Variants in CFAP70 observed in about 807,000 individuals in gnomAD.
CFAP70 encodes the protein cilia and flagella associated protein 70.
In CFAP70, 81 loss-of-function variants were observed where a neutral mutation model predicts 137.6. The observed-to-expected ratio is 0.59, with a 90% CI of 0.49 to 0.71. The LOEUF (loss-of-function observed/expected upper bound fraction) is 0.71. CFAP70 is among the 30% of genes least tolerant of loss of function. CFAP70 has a pLI of 0.00. For missense variants in CFAP70, 976 were observed against 1,226.7 expected (o/e 0.80, Z 3.05); for synonymous variants, 382 against 423.6 (o/e 0.90, Z 1.20).
rs1055097191 is a variant in CFAP70 at position 73,341,450 on chromosome 10, G to A, written c.531C>T (p.Phe177=). The change falls in exon 6 of 27, where the codon TTC becomes TTT. Residue 177 remains phenylalanine (F), a synonymous_variant. Transcript: ENST00000310715. ...CTTCTTCATAGGGACCACCAACAAT[G>A]AATGCATCAGGAATGTTATTAGCTC... The A allele has an allele frequency of 3.1e-6, 5 of 1,614,050 alleles. No homozygotes were observed. The African/African-American group carries it at 5.3e-5, about 17-fold the overall frequency.
At chr10:73,277,423 A>G in intron 20 of CFAP70, 62 bp from the exon 22 acceptor site, 1 of 1,577,032 alleles carries the variant, frequency 6.3e-7, no homozygotes, top group South Asian at 1.1e-5. Flanking sequence ...TCAGAAATTC[A>G]GACACATTCG....
Position 73,351,950 on chromosome 10 carries a change from C to T in CFAP70, c.250+1606G>A, listed in dbSNP as rs141937270. 6.2e-4 allele frequency among the ~76,000 whole-genome samples: 94 copies of T among 152,354 alleles called. 1 individual carries two copies. Among genetic ancestry groups the T allele is most frequent in the African/African-American group, 2.0e-3 (83 of 41,562 alleles). ...TGGAAGTCTAGGTTCCCTACTCAGC[C>T]TCCTCTGACACCTGATGGAGGCAGC... On this transcript the variant is annotated intron_variant, in intron 3 of 26. Coordinates refer to ENST00000310715, the Ensembl canonical transcript of CFAP70.
At chr10:73,312,037 T>C (rs76816562) in intron 10 of CFAP70, 123 bp from the exon 12 acceptor site, 72,068 of 760,104 alleles carry the variant, frequency 0.095, 5,297 homozygotes, top group East Asian at 0.28. Context: ...AGAATGAGTT[T>C]GTGTCCTTTG....
intron 25 of CFAP70, among the ~76,000 whole-genome samples, chr10:73,266,492 C>T (rs1217092695): frequency 6.6e-6 from 1 of 152,040 alleles, no homozygotes; most frequent in Non-Finnish European, 1.5e-5. Context: ...TTAATGGAAC[C>T]TCCAGTATAG....
intron 7 of CFAP70, 54 bp downstream of exon 8, chr10:73,335,376 T>C: frequency 1.8e-6 from 2 of 1,135,648 alleles, no homozygotes; most frequent in Non-Finnish European, 2.6e-6. Flanking sequence ...GTAACATTTC[T>C]TCCCACCTAC....
At chr10:73,271,722 T>C (rs2046332490) in intron 24 of CFAP70, among the ~76,000 whole-genome samples, 1 of 151,976 alleles carries the variant, frequency 6.6e-6, no homozygotes, top group Non-Finnish European at 1.5e-5. Flanking sequence ...AGAGGTGAGG[T>C]TTTGCTCTGT....
intron 25 of CFAP70, among the ~76,000 whole-genome samples, chr10:73,266,674 G>A (rs1333206381): frequency 6.6e-6 from 1 of 152,036 alleles, no homozygotes; most frequent in Admixed American, 6.5e-5. Flanking sequence ...GTTAATTTTA[G>A]CCAATGATTT....
chr10:73,274,582 A>G, exon 23 of CFAP70: 2 of 1,613,592 alleles, frequency 1.2e-6, no homozygotes, highest in South Asian at 2.2e-5. Context: ...TTCAGGCCCC[A>G]GACATTGGGG....
At chr10:73,308,993 A>G (rs939210785) in intron 12 of CFAP70, among the ~76,000 whole-genome samples, 8 of 152,208 alleles carry the variant, frequency 5.3e-5, no homozygotes, top group African/African-American at 1.9e-4. Context: ...GGGGCACACT[A>G]TGCCCAAAGC....
At chr10:73,354,323 T>A (rs978920529) in intron 2 of CFAP70, among the ~76,000 whole-genome samples, 1 of 152,242 alleles carries the variant, frequency 6.6e-6, no homozygotes, top group African/African-American at 2.4e-5. Flanking sequence ...ATGATCTTTT[T>A]AAACTTAATA....
chr10:73,255,505 G>C (rs1199882589), intron 26 of CFAP70, among the ~76,000 whole-genome samples: 1 of 152,176 alleles, frequency 6.6e-6, no homozygotes, highest in East Asian at 1.9e-4. Context: ...AGTGAGCTGA[G>C]ATCGTGCTAC....
At chr10:73,305,056 C>T (rs1031926369) in intron 12 of CFAP70, among the ~76,000 whole-genome samples, 10 of 152,286 alleles carry the variant, frequency 6.6e-5, no homozygotes, top group African/African-American at 1.4e-4. Context: ...AGGTGGCAGC[C>T]TGGATTTCTA....
intron 6 of CFAP70, among the ~76,000 whole-genome samples, chr10:73,341,009 G>A (rs1256895258): frequency 6.6e-6 from 1 of 152,180 alleles, no homozygotes; most frequent in Non-Finnish European, 1.5e-5. Flanking sequence ...ACTGCAGCCA[G>A]CATCATGGCA....
intron 8 of CFAP70, among the ~76,000 whole-genome samples, chr10:73,323,534 C>T (rs538604293): frequency 4.6e-5 from 7 of 152,294 alleles, no homozygotes; most frequent in South Asian, 2.1e-4. Context: ...CTGCCTCACT[C>T]GGGAAGCGCA....
chr10:73,263,051 T>C (rs1368435397), intron 25 of CFAP70, among the ~76,000 whole-genome samples: 3 of 152,206 alleles, frequency 2.0e-5, no homozygotes, highest in Non-Finnish European at 4.4e-5. Context: ...CTATAGACCT[T>C]ATCAAGATTT....
At chr10:73,295,880 G>C (rs1305615336) in intron 15 of CFAP70, 1 of 152,128 alleles carries the variant, frequency 6.6e-6, no homozygotes, top group East Asian at 1.9e-4. Context: ...CTCTAGCTCA[G>C]ATCTCTGTCT....
intron 3 of CFAP70, among the ~76,000 whole-genome samples, chr10:73,351,129 T>G (rs982661013): frequency 7.3e-6 from 1 of 136,864 alleles, no homozygotes; most frequent in African/African-American, 2.7e-5. Context: ...TTTGTTTTTT[T>G]TTTTTGTGAG....
At chr10:73,316,379 ATC>A (rs1384963902) in intron 9 of CFAP70, among the ~76,000 whole-genome samples, 9 of 148,316 alleles carry the variant, frequency 6.1e-5, no homozygotes, top group East Asian at 2.0e-4. Flanking sequence ...TCTATATATC[ATC>A]TGTTTTTTGT....
rs113530143 is a variant in CFAP70, at chr10:73,299,203, A to AGTTTGTTT, written c.1318-110_1318-103dup. ...GTTTTATGTTCCATGATACTTTATTAGTTTGTTTGTTTGTTTGTTTGTTTT... is the reference window on the plus strand; with the variant it reads ...GTTTTATGTTCCATGATACTTTATTAGTTTGTTTGTTTGTTTGTTTGTTTGTTTGTTTT... On this transcript the variant is annotated intron_variant, in intron 13 of 26. Transcript: ENST00000310715. 4,148 of 837,984 alleles carry AGTTTGTTT rather than the reference A, an allele frequency of 4.9e-3. 60 individuals are homozygous for AGTTTGTTT. Among genetic ancestry groups the AGTTTGTTT allele is most frequent in the African/African-American group, 0.044 (2,522 of 57,142 alleles). The allele number at this position is 837,984 out of a possible 1,614,324, so 51.9% of individuals were successfully genotyped here.
Sources: allele counts gnomAD v4.1 joint callset (sites outside exome capture counted in the v4.1 genomes callset), GRCh38; gene constraint gnomAD v4.1.1; transcripts MANE v1.5; gene names NCBI Gene and HGNC (gene_info 2026-07-23, HGNC 2026-07-21).